Variants in KIAA0232 observed in about 807,000 individuals in gnomAD.
The protein encoded by KIAA0232 is KIAA0232, also known as uncharacterized protein KIAA0232.
KIAA0232 carries 27 observed loss-of-function variants against 122.0 expected under a neutral mutation model. That is an observed-to-expected ratio of 0.22 (90% confidence interval 0.16 to 0.31). The LOEUF (loss-of-function observed/expected upper bound fraction) is 0.31. Ranked by LOEUF, KIAA0232 falls within the 10% of genes least tolerant of loss-of-function variation. The pLI is 1.00. For synonymous variants in KIAA0232, 613 were observed against 587.6 expected, an observed-to-expected ratio of 1.04 and a Z score of -0.63; for missense variants, 1,551 against 1,634.2, an observed-to-expected ratio of 0.95 and a Z score of 0.88.
intron 1 of KIAA0232, among the ~76,000 whole-genome samples, chr4:6,793,784 T>C (rs1353102932): frequency 6.6e-6 from 1 of 152,200 alleles, no homozygotes; most frequent in African/African-American, 2.4e-5. Context: ...AGATAAACCA[T>C]TTAATGTAAG....
intron 9 of KIAA0232, among the ~76,000 whole-genome samples, chr4:6,879,772 T>C (rs1018374917): frequency 1.3e-5 from 2 of 151,706 alleles, no homozygotes; most frequent in Admixed American, 1.3e-4. Flanking sequence ...GCTTCTCAGC[T>C]GAGCGGGCCT....
At position 6,870,034 on chromosome 4, in the gene KIAA0232, A is replaced by T. The variant is rs3796909; in HGVS notation, c.3802-1540A>T. 1.4e-3 allele frequency among the ~76,000 whole-genome samples: 217 copies of T among 152,124 alleles called. 3 individuals are homozygous for T. In the East Asian group the frequency reaches 0.036, roughly 25 times the overall value. ...ACCCTGGGCGAGCTGGGGCAGGCTC[A>T]CTCTCTCAGGCACAGTGAGGAAGGC... On this transcript the variant is annotated intron_variant, in intron 7 of 9. Coordinates refer to ENST00000307659, the MANE Select transcript of KIAA0232 (RefSeq NM_014743.3).
rs960578062 is a variant in KIAA0232, at chr4:6,790,667, G to GAGCC, written c.-354+7828_-354+7831dup. ...CTCAAAGTGCTGGGACTGTGGGTAT[G>GAGCC]AGCCACCATGCCAGGCAAGCCCTTT... On this transcript the variant is annotated intron_variant, in intron 1 of 9. Transcript: ENST00000307659. Among the ~76,000 whole-genome samples, 55 of 151,974 alleles carry GAGCC rather than the reference G, an allele frequency of 3.6e-4. 1 individual carries two copies. In the Middle Eastern group the frequency reaches 0.01, roughly 29 times the overall value.
chr4:6,824,100 G>A, intron 2 of KIAA0232, 85 bp from the exon 3 acceptor site: 1 of 416,602 alleles, frequency 2.4e-6, no homozygotes, highest in Non-Finnish European at 4.2e-6. Context: ...AAGAGGGACA[G>A]TTTATTTGAT....
In KIAA0232 at chr4:6,866,212, GGAAA is replaced by G. The variant is rs1368732949; in HGVS notation, c.3801+2033_3801+2036del. The G allele has an allele frequency of 9.1e-6, 9 of 983,690 alleles. No homozygotes were observed. In the African/African-American group the frequency reaches 1.6e-4, roughly 17 times the overall value. The allele number at this position is 983,690 out of a possible 1,614,324, so 60.9% of individuals were successfully genotyped here. ...TCCAGATTGGGAAGAAAGAAAAAGA[GGAAA>G]GAAGCAAGATTCTACATCATACCAC... On this transcript the variant is annotated intron_variant, in intron 7 of 9. Coordinates refer to ENST00000307659, the MANE Select transcript of KIAA0232 (RefSeq NM_014743.3).
chr4:6,838,037 A>G (rs1264243188), intron 3 of KIAA0232, among the ~76,000 whole-genome samples: 1 of 152,170 alleles, frequency 6.6e-6, no homozygotes, highest in East Asian at 1.9e-4. Flanking sequence ...ATAGATTGCA[A>G]AAATTTACTC....
At position 6,816,261 on chromosome 4, in the gene KIAA0232, CTTT is replaced by C. The variant is rs200481588; in HGVS notation, c.-269-7923_-269-7921del. Among the ~76,000 whole-genome samples the C allele has an allele frequency of 7.3e-3, 1,096 of 150,538 alleles. 16 individuals carry two copies. The highest frequency in any genetic ancestry group is 0.026 in the African/African-American group (1,050 of 41,056). On this transcript the variant is annotated intron_variant, in intron 2 of 9. Transcript: ENST00000307659. ...TGTACTCATGAGGCATATTGGTCTT[CTTT>C]GTTTCTTATAATGTCTTTTTTTTGT... is the stretch of plus-strand genomic sequence containing the variant.
intron 1 of KIAA0232, among the ~76,000 whole-genome samples, chr4:6,795,300 C>T (rs951261434): frequency 5.9e-5 from 9 of 152,204 alleles, no homozygotes; most frequent in African/African-American, 2.2e-4. Flanking sequence ...TCTCGATCTC[C>T]TGACCTTGTG....
rs749659570 is a variant in KIAA0232, at chr4:6,861,096, A to G, written c.714A>G (p.Glu238=). ...AAGTCACCAAGGAAAGAAGCAGTGA[A>G]GTACCCACCACTGTGCATGAGAAAA... ...ESEVTKERSS[E]VPTTVHEKTQ... Residue 238 remains glutamate, a synonymous_variant, in exon 7 of 10, where the codon GAA becomes GAG. Coordinates refer to ENST00000307659, the MANE Select transcript of KIAA0232 (RefSeq NM_014743.3). 2.5e-6 allele frequency: 4 copies of G among 1,614,232 alleles called. No homozygotes were observed. The highest frequency in any genetic ancestry group is 3.4e-6 in the Non-Finnish European group (4 of 1,180,030).
At chr4:6,832,410 G>T (rs1231368081) in intron 3 of KIAA0232, among the ~76,000 whole-genome samples, 1 of 149,898 alleles carries the variant, frequency 6.7e-6, no homozygotes, top group Non-Finnish European at 1.5e-5. Context: ...GTGTAGTGGC[G>T]TGATCTCGGC....
rs1280220103 is a variant in KIAA0232, at chr4:6,871,571, C to T, written c.3802-3C>T. On this transcript the variant is annotated splice_region_variant and splice_polypyrimidine_tract_variant and intron_variant, in intron 7 of 9. Transcript: ENST00000307659. ...TTTTCTGTATTTGGTTTAATCTAAA[C>T]AGTTCCCTGTATTGAACACTGATAT... 3.9e-6 allele frequency: 6 copies of T among 1,541,218 alleles called. No homozygotes were observed. The highest frequency in any genetic ancestry group is 1.4e-5 in the African/African-American group (1 of 73,080).
chr4:6,830,495 C>A (rs903473888), intron 3 of KIAA0232, among the ~76,000 whole-genome samples: 3 of 150,602 alleles, frequency 2.0e-5, no homozygotes, highest in Admixed American at 1.3e-4. Flanking sequence ...GCAGCCTCTG[C>A]CTCCTGGGTT....
At chr4:6,828,898 C>T (rs1718829095) in intron 3 of KIAA0232, among the ~76,000 whole-genome samples, 1 of 152,042 alleles carries the variant, frequency 6.6e-6, no homozygotes, top group African/African-American at 2.4e-5. Context: ...GGAAAATTAG[C>T]ATTGATGAAA....
At chr4:6,832,590 C>G (rs1474128601) in intron 3 of KIAA0232, among the ~76,000 whole-genome samples, 1 of 152,256 alleles carries the variant, frequency 6.6e-6, no homozygotes, top group East Asian at 1.9e-4. Context: ...CTCAAGTGAT[C>G]TGCCTGCCTT....
chr4:6,849,724 G>A (rs552119514), intron 4 of KIAA0232, among the ~76,000 whole-genome samples: 16 of 151,248 alleles, frequency 1.1e-4, no homozygotes, highest in East Asian at 3.9e-4. Flanking sequence ...CCAAGATCAC[G>A]CCACTGCACT....
At chr4:6,835,949 A>G (rs1391649507) in intron 3 of KIAA0232, among the ~76,000 whole-genome samples, 1 of 152,216 alleles carries the variant, frequency 6.6e-6, no homozygotes, top group Non-Finnish European at 1.5e-5. Flanking sequence ...GTGTCTTTAT[A>G]GTAGCATGAT....
intron 2 of KIAA0232, among the ~76,000 whole-genome samples, chr4:6,814,661 G>C (rs1465676019): frequency 7.2e-5 from 11 of 152,054 alleles, no homozygotes; most frequent in Admixed American, 5.2e-4. Flanking sequence ...ACATTATTCT[G>C]TTTTACAGAT....
rs527959000 is a variant in KIAA0232, at chr4:6,807,048, A to G, written c.-270+2442A>G. Among the ~76,000 whole-genome samples, 540 of 149,960 alleles carry G rather than the reference A, an allele frequency of 3.6e-3. 3 individuals are homozygous for G. The highest frequency in any genetic ancestry group is 0.012 in the African/African-American group (501 of 40,152). The stretch of plus-strand genomic sequence containing the variant: ...TGTCTGTCTGTCTATCTATCTATCT[A>G]TCTATCTATCTATCTATCTATCTAT... On this transcript the variant is annotated intron_variant, in intron 2 of 9. Coordinates refer to ENST00000307659, the MANE Select transcript of KIAA0232 (RefSeq NM_014743.3).
At chr4:6,847,739 C>T (rs2108756402) in intron 4 of KIAA0232, among the ~76,000 whole-genome samples, 1 of 152,216 alleles carries the variant, frequency 6.6e-6, no homozygotes, top group African/African-American at 2.4e-5. Flanking sequence ...TTCAGCCCTC[C>T]TCCAGATGCA....
Sources: allele counts gnomAD v4.1 joint callset (sites outside exome capture counted in the v4.1 genomes callset), GRCh38; gene constraint gnomAD v4.1.1; transcripts MANE v1.5; gene names NCBI Gene and HGNC (gene_info 2026-07-23, HGNC 2026-07-21).